CDC6: variants seen among roughly 807,000 people sequenced by gnomAD.
CDC6 encodes cell division cycle 6.
CDC6 carries 46 observed loss-of-function variants against 60.2 expected under a neutral mutation model. That is an observed-to-expected ratio of 0.76 (90% CI 0.60 to 0.98). The LOEUF is 0.98. Among genes scored for constraint, CDC6 ranks in the 50% least tolerant of loss-of-function variants. The pLI is 0.00. For synonymous variants in CDC6, 210 were observed against 233.2 expected (o/e 0.90, Z 0.90); for missense variants, 596 against 652.9 (o/e 0.91, Z 0.95).
chr17:40,295,259 G>A, intron 7 of CDC6, 97 bp from the exon 8 acceptor site: 1 of 855,688 alleles, frequency 1.2e-6, no homozygotes, highest in East Asian at 2.4e-5. Context: ...TGCCAATCAA[G>A]TTTAGGGTTA....
chr17:40,292,625 ACT>A (rs1347991861), intron 4 of CDC6, among the ~76,000 whole-genome samples: 15 of 146,616 alleles, frequency 1.0e-4, no homozygotes, highest in African/African-American at 3.3e-4. Context: ...ACAGAGTGAG[ACT>A]CTGTCTCAAA....
intron 9 of CDC6, among the ~76,000 whole-genome samples, chr17:40,299,893 G>T (rs2032912879): frequency 2.0e-5 from 3 of 152,200 alleles, no homozygotes; most frequent in African/African-American, 4.8e-5. Context: ...GGCTGACATG[G>T]CAGCGACTTC....
Position 40,291,469 on chromosome 17 carries a change from G to T in CDC6, c.461G>T (p.Gly154Val). 1 of 1,614,080 alleles carries T rather than the reference G, an allele frequency of 6.2e-7. No individual in the cohort carries two copies. Among genetic ancestry groups the T allele is most frequent in the South Asian group, 1.1e-5 (1 of 91,068 alleles). Residue 154 changes from glycine to valine, a missense_variant and splice_region_variant, in exon 4 of 12, where the codon GGC becomes GTC. Coordinates refer to ENST00000209728, the MANE Select transcript of CDC6 (RefSeq NM_001254.4). ...SACVRLFKQE[G>V]TCYQQAKLVL... ...AATTGACCTTTTATGTCTGGCACAGGCACTTGCTACCAGCAAGCAAAGCTG... is the reference window on the plus strand; with the variant it reads ...AATTGACCTTTTATGTCTGGCACAGTCACTTGCTACCAGCAAGCAAAGCTG...
At chr17:40,294,161 G>GT in intron 6 of CDC6, 105 bp downstream of exon 6, 1 of 1,047,326 alleles carries the variant, frequency 9.5e-7, no homozygotes, top group Admixed American at 1.7e-5. Flanking sequence ...GCTTTCTGCC[G>GT]TGTCAAAATA....
At chr17:40,301,360 G>C (rs1412742630) in intron 10 of CDC6, 108 bp from the exon 11 acceptor site, 6 of 975,742 alleles carry the variant, frequency 6.1e-6, no homozygotes. Flanking sequence ...GAAGAAATAG[G>C]GTATTCAGAT....
At chr17:40,301,405 T>C (rs1598519330) in intron 10 of CDC6, 63 bp from the exon 11 acceptor site, 1 of 1,545,088 alleles carries the variant, frequency 6.5e-7, no homozygotes, top group East Asian at 2.2e-5. Flanking sequence ...GTTTCTTAAA[T>C]GATTAAAGGC....
At position 40,302,342 on chromosome 17, in the gene CDC6, T is replaced by A. The variant is rs2032951893; in HGVS notation, c.*341T>A. ...TTTGCTCAAACATGAGTGGGTATTTTTTTGTTTGTTTTTTTTGTTGTTGTT... is the reference window on the plus strand; with the variant it reads ...TTTGCTCAAACATGAGTGGGTATTTATTTGTTTGTTTTTTTTGTTGTTGTT... On this transcript the variant is annotated 3_prime_UTR_variant, in exon 12 of 12. Coordinates refer to ENST00000209728, the MANE Select transcript of CDC6 (RefSeq NM_001254.4). 3.7e-6 allele frequency: 1 copy of A among 273,766 alleles called. No homozygotes were observed. Among genetic ancestry groups the A allele is most frequent in the Admixed American group, 5.0e-5 (1 of 19,842 alleles). 17.0% of individuals were successfully genotyped at this position (273,766 alleles called of 1,614,324 possible).
chr17:40,291,115 G>T lies in CDC6; in HGVS notation c.236G>T (p.Gly79Val). The change falls in exon 3 of 12, where the codon GGC (glycine) becomes GTC (valine). Residue 79 changes from glycine (G) to valine (V), a missense_variant. Transcript: ENST00000209728. ...HLPPCSPPKQ[G>V]KKENGPPHSH... ...CCTCCTTGTTCTCCACCAAAGCAAG[G>T]CAAGAAAGAGAATGGTCCCCCTCAC... 1 of 1,614,114 alleles carries T rather than the reference G, an allele frequency of 6.2e-7. No individual in the cohort carries two copies.
chr17:40,301,419 A>C (rs1249841912), intron 10 of CDC6, 49 bp from the exon 11 acceptor site: 25 of 1,591,558 alleles, frequency 1.6e-5, no homozygotes, highest in Non-Finnish European at 1.6e-5. Flanking sequence ...TAAAGGCTAT[A>C]AGCAATGTGA....
At chr17:40,295,226 G>C in intron 7 of CDC6, 130 bp from the exon 8 acceptor site, 1 of 728,602 alleles carries the variant, frequency 1.4e-6, no homozygotes, top group East Asian at 2.5e-5. Flanking sequence ...AGAAGAAAAG[G>C]CATCTTTTTA....
intron 4 of CDC6, among the ~76,000 whole-genome samples, chr17:40,293,125 G>A (rs1205002298): frequency 2.0e-5 from 3 of 151,926 alleles, no homozygotes; most frequent in African/African-American, 7.3e-5. Flanking sequence ...TGTAATCCCA[G>A]CTACTTGGGA....
At chr17:40,300,671 C>T (rs1247801346) in intron 9 of CDC6, among the ~76,000 whole-genome samples, 157 bp from the exon 10 acceptor site, 1 of 152,204 alleles carries the variant, frequency 6.6e-6, no homozygotes, top group Non-Finnish European at 1.5e-5. Context: ...ATCTCTCATC[C>T]TTTGGCCTCT....
At chr17:40,293,384 A>G in intron 4 of CDC6, 72 bp from the exon 5 acceptor site, 1 of 1,161,032 alleles carries the variant, frequency 8.6e-7, no homozygotes. Flanking sequence ...CTCTTCAAAG[A>G]CATTTTAGGC....
At chr17:40,299,670 G>A (rs1387212255) in intron 9 of CDC6, among the ~76,000 whole-genome samples, 1 of 151,820 alleles carries the variant, frequency 6.6e-6, no homozygotes, top group Non-Finnish European at 1.5e-5. Flanking sequence ...GGCCGAGGAG[G>A]GCAGATTGCT....
In CDC6 at chr17:40,291,064, A is replaced by G. The variant is rs780716114; in HGVS notation, c.185A>G (p.Asp62Gly). Residue 62 changes from aspartate (D) to glycine (G), a missense_variant, in exon 3 of 12, where the codon GAC becomes GGC. Physicochemically the swap from Asp to Gly is moderately conservative, Grantham distance 94 (BLOSUM62 -1). Transcript: ENST00000209728. ...TTATTTTATTGTGTTTCAGGCGATG[A>G]CAACCTATGCAACACTCCCCATTTA... is the stretch of plus-strand genomic sequence containing the variant. ...PLSPRKRLGD[D>G]NLCNTPHLPP... 3.1e-6 allele frequency: 5 copies of G among 1,614,024 alleles called. No individual in the cohort carries two copies. Among genetic ancestry groups the G allele is most frequent in the Non-Finnish European group, 4.2e-6 (5 of 1,179,992 alleles).
chr17:40,290,979 TG>T, intron 2 of CDC6, 78 bp from the exon 3 acceptor site: 1 of 1,428,480 alleles, frequency 7.0e-7, no homozygotes, highest in Admixed American at 1.7e-5. Flanking sequence ...CACCTCTTTC[TG>T]GAAGAGGCAG....
At chr17:40,296,400 G>T (rs984839616) in intron 8 of CDC6, among the ~76,000 whole-genome samples, 1 of 152,084 alleles carries the variant, frequency 6.6e-6, no homozygotes, top group Non-Finnish European at 1.5e-5. Flanking sequence ...GACCTACTTG[G>T]CATCCATTAG....
At chr17:40,292,264 A>G (rs911958220) in intron 4 of CDC6, among the ~76,000 whole-genome samples, 5 of 151,800 alleles carry the variant, frequency 3.3e-5, no homozygotes, top group African/African-American at 1.2e-4. Flanking sequence ...CCTGAGCTCA[A>G]GTAATCTGCC....
chr17:40,297,353 T>A lies in CDC6; in HGVS notation c.1249+586T>A, dbSNP rs188115744. Among the ~76,000 whole-genome samples the A allele has an allele frequency of 1.2e-4, 19 of 152,236 alleles. No individual in the cohort carries two copies. In the East Asian group the frequency reaches 3.7e-3, roughly 29 times the overall value. ...GGGACATGGATTAAGCTGGAAACCA[T>A]CATTCTCAGCAAAGTAACACAGGAA... On this transcript the variant is annotated intron_variant, in intron 9 of 11. Transcript: ENST00000209728.
Sources: allele counts gnomAD v4.1 joint callset (sites outside exome capture counted in the v4.1 genomes callset), GRCh38; gene constraint gnomAD v4.1.1; transcripts MANE v1.5; gene names NCBI Gene and HGNC (gene_info 2026-07-23, HGNC 2026-07-21).